The following PLIN5 variants were observed in gnomAD, a reference collection of about 807,000 sequenced individuals.
PLIN5 encodes perilipin 5.
In PLIN5, 34 loss-of-function variants were observed where a neutral mutation model predicts 32.8. The observed-to-expected ratio is 1.04, with a 90% CI of 0.79 to 1.38. The LOEUF is 1.38. Ranked by LOEUF, PLIN5 falls within the 40% of genes most tolerant of loss-of-function variation. The pLI is 0.00. For missense variants in PLIN5, 712 were observed against 660.5 expected, an observed-to-expected ratio of 1.08 and a Z score of -0.85; for synonymous variants, 309 against 292.9, an observed-to-expected ratio of 1.05 and a Z score of -0.56.
intron 5 of PLIN5, among the ~76,000 whole-genome samples, chr19:4,527,013 G>T (rs1029054498): frequency 8.5e-5 from 13 of 152,248 alleles, no homozygotes; most frequent in Admixed American, 8.5e-4. Flanking sequence ...AAGGCAGGGG[G>T]ATCACTTGAG....
In PLIN5 at chr19:4,524,049, T is replaced by C; in HGVS notation, c.871A>G (p.Thr291Ala). ...TCTACCGTGCCCTGCAGCTCCTGGG[T>C]CAGGCTGCGGGACAGCACCAGCGTC... is the stretch of plus-strand genomic sequence containing the variant. Reference protein sequence around the residue: ...LETLVLSRSLTQELQGTVEAL... With the variant: ...LETLVLSRSLAQELQGTVEAL... The change falls in exon 8 of 8, where the codon ACC (threonine) becomes GCC (alanine). Residue 291 changes from threonine (T) to alanine (A), a missense_variant. By Grantham distance (58) the Thr-to-Ala change is moderately conservative (BLOSUM62 0). Coordinates refer to ENST00000381848, the MANE Select transcript of PLIN5 (RefSeq NM_001013706.3). The C allele has an allele frequency of 6.8e-7, 1 of 1,473,196 alleles. No homozygotes were observed. The allele number at this position is 1,473,196 out of a possible 1,614,324, so 91.3% of individuals were successfully genotyped here.
chr19:4,523,492 G>A lies in PLIN5; in HGVS notation c.*36C>T, dbSNP rs1343783538. 2.6e-6 allele frequency: 4 copies of A among 1,523,102 alleles called. No homozygotes were observed. The highest frequency in any genetic ancestry group is 2.6e-6 in the Non-Finnish European group (3 of 1,132,240). The allele number at this position is 1,523,102 out of a possible 1,614,324, so 94.3% of individuals were successfully genotyped here. On this transcript the variant is annotated 3_prime_UTR_variant, in exon 8 of 8. Transcript: ENST00000381848. The surrounding 1 kb of genome is among the most constrained non-coding windows in gnomAD (Gnocchi z 5.0). The stretch of plus-strand genomic sequence containing the variant: ...GGGGCAGCAGGGATCGGGGTGTGCA[G>A]GTGGCCTTTCCTCCCCGCCTCCACT...
In PLIN5 at chr19:4,523,557, G is replaced by C. The variant is rs1397844927; in HGVS notation, c.1363C>G (p.His455Asp). The C allele has an allele frequency of 6.3e-7, 1 of 1,588,936 alleles. No individual in the cohort carries two copies. The highest frequency in any genetic ancestry group is 2.3e-5 in the East Asian group (1 of 44,304). ...EPETPSCPVK[H>D]TLMPELDF ...AAGTCCAGCTCGGGCATCAGGGTGT[G>C]CTTGACCGGGCAGCTGGGGGTCTCG... is the stretch of plus-strand genomic sequence containing the variant. Residue 455 changes from histidine (H) to aspartate (D), a missense_variant, in exon 8 of 8, where the codon CAC becomes GAC. By Grantham distance (81) the His-to-Asp change is moderately conservative. Transcript: ENST00000381848. The surrounding 1 kb of genome is among the most constrained non-coding windows in gnomAD (Gnocchi z 5.0).
chr19:4,529,553 CATAT>C (rs1976854494), intron 4 of PLIN5: 2 of 499,704 alleles, frequency 4.0e-6, no homozygotes, highest in Admixed American at 3.4e-5. Flanking sequence ...CGTATATATA[CATAT>C]ATACTTATAC....
chr19:4,523,827 C>A lies in PLIN5; in HGVS notation c.1093G>T (p.Val365Leu). ...HACVDELLEL[V>L]VQAVPLPWLV... Reference sequence around the variant, plus strand: ...CAGGGCAGCGGCACGGCCTGCACCACCAGCTCCAGCAGCTCGTCCACGCAG... The same window carrying A: ...CAGGGCAGCGGCACGGCCTGCACCAACAGCTCCAGCAGCTCGTCCACGCAG... The change falls in exon 8 of 8, where the codon GTG becomes TTG. Residue 365 changes from valine to leucine, a missense_variant. Val to Leu is a conservative substitution (Grantham distance 32). Coordinates refer to ENST00000381848, the MANE Select transcript of PLIN5 (RefSeq NM_001013706.3). The surrounding 1 kb of genome is among the most constrained non-coding windows in gnomAD (Gnocchi z 5.0). 1 of 1,591,050 alleles carries A rather than the reference C, an allele frequency of 6.3e-7. No individual in the cohort carries two copies.
chr19:4,524,644 G>C (rs1568243056), intron 7 of PLIN5, among the ~76,000 whole-genome samples: 1 of 152,084 alleles, frequency 6.6e-6, no homozygotes, highest in Non-Finnish European at 1.5e-5. Flanking sequence ...AAGCGAGAAG[G>C]GGCGGGAAGC....
chr19:4,524,878 G>A (rs1976779508), intron 7 of PLIN5, 85 bp downstream of exon 7: 13 of 1,220,908 alleles, frequency 1.1e-5, no homozygotes, highest in Non-Finnish European at 1.2e-5. Context: ...CGGCAGTACT[G>A]GGCTGACCCG....
rs778512170 is a variant in PLIN5 at position 4,531,708 on chromosome 19, G to A, written c.175C>T (p.Leu59=). ...AGGCCGCACACGCAGTTCTCAGCCA[G>A]GCGGCAGGCGGAGCCCAGCAGCGGG... ...RHPLLGSACR[L]AENCVCGLTT... is the part of the protein sequence containing the mutation. Residue 59 remains leucine (L), a synonymous_variant, in exon 3 of 8, where the codon CTG becomes TTG. Coordinates refer to ENST00000381848, the MANE Select transcript of PLIN5 (RefSeq NM_001013706.3). 3 of 1,579,874 alleles carry A rather than the reference G, an allele frequency of 1.9e-6. No homozygotes were observed. The East Asian group carries it at 7.0e-5, about 37-fold the overall frequency.
At chr19:4,527,564 A>AAC (rs1568244355) in intron 5 of PLIN5, among the ~76,000 whole-genome samples, 3 of 146,244 alleles carry the variant, frequency 2.1e-5, no homozygotes, top group African/African-American at 5.1e-5. Context: ...AAAAAAAAAA[A>AAC]AACAACAATG....
chr19:4,529,876 G>A lies in PLIN5; in HGVS notation c.257-10C>T, dbSNP rs1049936262. 1.3e-6 allele frequency: 2 copies of A among 1,577,352 alleles called. No individual in the cohort carries two copies. The highest frequency in any genetic ancestry group is 1.7e-5 in the Admixed American group (1 of 57,448). On this transcript the variant is annotated splice_polypyrimidine_tract_variant and intron_variant, in intron 3 of 7. Transcript: ENST00000381848. The stretch of plus-strand genomic sequence containing the variant: ...CTGTTCATAGTGGCCACTGAAGGGA[G>A]AGAGGCGGGGAGTGAGACTCGGGGA...
chr19:4,533,235 A>G (rs891223220), intron 2 of PLIN5: 3 of 152,092 alleles, frequency 2.0e-5, no homozygotes, highest in African/African-American at 7.2e-5. Context: ...AGCTGGGAAT[A>G]CAGGCACCCG....
At chr19:4,527,594 C>A (rs868533223) in intron 5 of PLIN5, among the ~76,000 whole-genome samples, 1 of 144,498 alleles carries the variant, frequency 6.9e-6, no homozygotes, top group African/African-American at 2.6e-5. Flanking sequence ...GGTGGACTCA[C>A]GCTTGTAATC....
chr19:4,529,737 C>A, intron 4 of PLIN5, 47 bp downstream of exon 4: 6 of 934,998 alleles, frequency 6.4e-6, no homozygotes, highest in African/African-American at 1.6e-5. Context: ...CGCCTCTAAT[C>A]TGGCCTGCCC....
At position 4,523,342 on chromosome 19, in the gene PLIN5, T is replaced by C. The variant is rs1454019450; in HGVS notation, c.*186A>G. ...CGAGGCCCTGCTCCCCCGGGCCTCT[T>C]TGTCCATGTGTTCAAGGAAAAAATG... On this transcript the variant is annotated 3_prime_UTR_variant, in exon 8 of 8. Transcript: ENST00000381848. This position sits in a 1 kb window ranked among gnomAD's most constrained non-coding sequence, Gnocchi z 5.0. 9 of 631,134 alleles carry C rather than the reference T, an allele frequency of 1.4e-5. No individual in the cohort carries two copies. Among genetic ancestry groups the C allele is most frequent in the Admixed American group, 3.9e-5 (1 of 25,382 alleles). The allele number at this position is 631,134 out of a possible 1,614,324, so 39.1% of individuals were successfully genotyped here. A position where few individuals can be genotyped will look rare whatever the true frequency, so the allele number is the denominator to read the frequency against.
Position 4,529,796 on chromosome 19 carries a change from T to A in PLIN5, c.327A>T (p.Gln109His). The change falls in exon 4 of 8, where the codon CAA (glutamine) becomes CAT (histidine). Residue 109 changes from glutamine (Q) to histidine (H), a missense_variant. Coordinates refer to ENST00000381848, the MANE Select transcript of PLIN5 (RefSeq NM_001013706.3). ...TCGTCCGGGGTACCGTCTCCGAAGG[T>A]TGCTGGAGAAAGGGAAGCTTCTCTT... ...KLEEKLPFLQQPSETVVTSAK... is the reference protein window; with the variant it reads ...KLEEKLPFLQHPSETVVTSAK... The A allele has an allele frequency of 6.2e-7, 1 of 1,610,868 alleles. No individual in the cohort carries two copies. Among genetic ancestry groups the A allele is most frequent in the South Asian group, 1.1e-5 (1 of 90,870 alleles).
At position 4,523,873 on chromosome 19, in the gene PLIN5, AC is replaced by A; in HGVS notation, c.1046del (p.Gly349ValfsTer109). ...VPAAALAEGR[G>X]RVAHAHACVD... Reference sequence around the variant, plus strand: ...CGCAGGCGTGCGCGTGGGCCACGCGACCCCGGCCCTCGGCCAGCGCGGCCGC... The same window carrying A: ...CGCAGGCGTGCGCGTGGGCCACGCGACCCGGCCCTCGGCCAGCGCGGCCGC... On this transcript the variant is annotated frameshift_variant, in exon 8 of 8. Coordinates refer to ENST00000381848, the MANE Select transcript of PLIN5 (RefSeq NM_001013706.3). LOFTEE classifies it low-confidence loss of function (END_TRUNC). This position sits in a 1 kb window ranked among gnomAD's most constrained non-coding sequence, Gnocchi z 5.0. The A allele has an allele frequency of 6.6e-7, 1 of 1,523,454 alleles. No homozygotes were observed. 94.4% of individuals were successfully genotyped at this position (1,523,454 alleles called of 1,614,324 possible).
chr19:4,528,984 T>G (rs1248165775), intron 5 of PLIN5, 89 bp downstream of exon 5: 9 of 1,372,298 alleles, frequency 6.6e-6, no homozygotes. Context: ...TGTGTGACCT[T>G]GGGTGAGTCT....
In PLIN5 at chr19:4,525,949, ACAGCACGGGGACAGCATGGGGT is replaced by A. The variant is rs1331150349; in HGVS notation, c.521-139_521-118del. The A allele has an allele frequency of 1.1e-4, 72 of 667,288 alleles. No individual in the cohort carries two copies. Among genetic ancestry groups the A allele is most frequent in the African/African-American group, 1.1e-4 (6 of 52,982 alleles). 41.3% of individuals were successfully genotyped at this position (667,288 alleles called of 1,614,324 possible). A position where few individuals can be genotyped will look rare whatever the true frequency, so the allele number is the denominator to read the frequency against. ...GACAGCACGGGGACAGGATACGGGG[ACAGCACGGGGACAGCATGGGGT>A]CAGCACAGCCACCCACCCCCTCCAC... On this transcript the variant is annotated intron_variant, in intron 5 of 7. Transcript: ENST00000381848. The surrounding 1 kb of genome is among the most constrained non-coding windows in gnomAD (Gnocchi z 5.6).
chr19:4,525,944 C>T lies in PLIN5; in HGVS notation c.521-112G>A, dbSNP rs948749029. 8 of 559,530 alleles carry T rather than the reference C, an allele frequency of 1.4e-5. No individual in the cohort carries two copies. Among genetic ancestry groups the T allele is most frequent in the East Asian group, 6.1e-5 (2 of 33,056 alleles). 34.7% of individuals were successfully genotyped at this position (559,530 alleles called of 1,614,324 possible). A position where few individuals can be genotyped will look rare whatever the true frequency, so the allele number is the denominator to read the frequency against. ...ACGGGGACAGCACGGGGACAGGATA[C>T]GGGGACAGCACGGGGACAGCATGGG... On this transcript the variant is annotated intron_variant, in intron 5 of 7. Coordinates refer to ENST00000381848, the MANE Select transcript of PLIN5 (RefSeq NM_001013706.3). The surrounding 1 kb of genome is among the most constrained non-coding windows in gnomAD (Gnocchi z 5.6).
Sources: allele counts gnomAD v4.1 joint callset (sites outside exome capture counted in the v4.1 genomes callset), GRCh38; gene constraint gnomAD v4.1.1; non-coding constraint Gnocchi (gnomAD v3.1); transcripts MANE v1.5; gene names NCBI Gene and HGNC (gene_info 2026-07-23, HGNC 2026-07-21).